CEP350: variants seen among roughly 807,000 people sequenced by gnomAD.
The protein encoded by CEP350 is centrosomal protein 350.
A neutral mutation model predicts 331.8 loss-of-function variants in CEP350; 126 were observed. That is an observed-to-expected ratio of 0.38 (90% confidence interval 0.33 to 0.44). CEP350 has a LOEUF of 0.44. Ranked by LOEUF, CEP350 falls within the 20% of genes least tolerant of loss-of-function variation. The pLI is 1.00. For missense variants in CEP350, 3,406 were observed against 3,634.6 expected (o/e 0.94, Z 1.62); for synonymous variants, 1,200 against 1,259.5 (o/e 0.95, Z 1.00).
rs1003311687 is a variant in CEP350, at chr1:180,019,857, G to C, written c.2175-92G>C. The C allele has an allele frequency of 2.7e-6, 3 of 1,116,006 alleles. No individual in the cohort carries two copies. In the African/African-American group the frequency reaches 4.7e-5, roughly 18 times the overall value. 69.1% of individuals were successfully genotyped at this position (1,116,006 alleles called of 1,614,324 possible). ...TTTTATCTGTCCTTTTTTTGTTGCA[G>C]TGCATCCTCATTACTCTTATAATCA... is the stretch of plus-strand genomic sequence containing the variant. On this transcript the variant is annotated intron_variant, in intron 11 of 37. Coordinates refer to ENST00000367607, the MANE Select transcript of CEP350 (RefSeq NM_014810.5).
chr1:180,047,116 A>G (rs1001882742), intron 21 of CEP350, among the ~76,000 whole-genome samples: 1 of 152,220 alleles, frequency 6.6e-6, no homozygotes, highest in Non-Finnish European at 1.5e-5. Context: ...GGAGTTTCTT[A>G]GAAATAACAC....
intron 6 of CEP350, chr1:180,000,580 T>G (rs2148733749): frequency 6.1e-6 from 1 of 163,106 alleles, no homozygotes; most frequent in South Asian, 1.7e-4. Flanking sequence ...ATCCAAGGAA[T>G]CAGAAATCAT....
intron 37 of CEP350, among the ~76,000 whole-genome samples, chr1:180,100,405 ACTTC>A (rs1660733217): frequency 2.0e-5 from 3 of 152,214 alleles, no homozygotes; most frequent in Non-Finnish European, 4.4e-5. Context: ...CCAAGTTGTT[ACTTC>A]CTTTACTTCT....
Position 180,041,733 on chromosome 1 carries a change from G to A in CEP350, c.4293G>A (p.Thr1431=), listed in dbSNP as rs750218144. The change falls in exon 19 of 38, where the codon ACG becomes ACA. Residue 1431 remains threonine (T), a synonymous_variant. Transcript: ENST00000367607. ...TAACTGAAGTCCTGCAGGAAGCAACGTGTAAAATAGCAGCTCAGCAGTCAG... is the reference window on the plus strand; with the variant it reads ...TAACTGAAGTCCTGCAGGAAGCAACATGTAAAATAGCAGCTCAGCAGTCAG... ...REVTEVLQEA[T]CKIAAQQSET... The A allele has an allele frequency of 9.9e-6, 16 of 1,613,110 alleles. No homozygotes were observed. The highest frequency in any genetic ancestry group is 1.6e-4 in the Middle Eastern group (1 of 6,082).
rs1166076699 is a variant in CEP350, at chr1:180,080,614, A to G, written c.6077A>G (p.Gln2026Arg). 2 of 1,613,966 alleles carry G rather than the reference A, an allele frequency of 1.2e-6. No homozygotes were observed. Among genetic ancestry groups the G allele is most frequent in the Admixed American group, 1.7e-5 (1 of 60,024 alleles). Residue 2026 changes from glutamine to arginine, a missense_variant, in exon 30 of 38, where the codon CAG becomes CGG. Coordinates refer to ENST00000367607, the MANE Select transcript of CEP350 (RefSeq NM_014810.5). ...TGTCACCTGCCTATCAAGTCCCATC[A>G]GCACTGTTATAGTTGGTCAGATGAG... ...GQCHLPIKSH[Q>R]HCYSWSDESL...
At chr1:180,095,293 A>G (rs2149140155) in intron 34 of CEP350, 2 of 411,424 alleles carry the variant, frequency 4.9e-6, no homozygotes, top group East Asian at 7.7e-5. Context: ...CCTAATCAAT[A>G]AACATTTTAT....
intron 24 of CEP350, 57 bp downstream of exon 24, chr1:180,053,991 A>G (rs1657662432): frequency 7.6e-7 from 1 of 1,316,282 alleles, no homozygotes; most frequent in South Asian, 2.0e-5. Flanking sequence ...GGAATGCTTT[A>G]TATTTTAAGA....
intron 27 of CEP350, among the ~76,000 whole-genome samples, chr1:180,066,489 A>G (rs565669411): frequency 7.2e-5 from 11 of 152,308 alleles, no homozygotes; most frequent in Admixed American, 2.0e-4. Context: ...TTGTTTTGCA[A>G]CAGTCAAGAG....
Position 180,017,706 on chromosome 1 carries a change from G to A in CEP350, c.2174+1736G>A, listed in dbSNP as rs569129047. Among the ~76,000 whole-genome samples the A allele has an allele frequency of 6.7e-4, 102 of 152,168 alleles. 1 individual carries two copies. Among genetic ancestry groups the A allele is most frequent in the African/African-American group, 2.4e-3 (99 of 41,514 alleles). On this transcript the variant is annotated intron_variant, in intron 11 of 37. Transcript: ENST00000367607. ...TCCCCCATTCCCGTTAATAGTTTTA[G>A]CATAACTTTATGTTTAAAAGCATGT...
At chr1:180,052,073 G>A (rs1336907215) in intron 22 of CEP350, among the ~76,000 whole-genome samples, 3 of 152,192 alleles carry the variant, frequency 2.0e-5, no homozygotes, top group Admixed American at 2.0e-4. Context: ...GTAATTGTAT[G>A]CGTAACTATG....
chr1:180,074,987 TTTC>T (rs1287929299), intron 27 of CEP350, 32 bp from the exon 28 acceptor site: 1 of 1,558,414 alleles, frequency 6.4e-7, no homozygotes, highest in Non-Finnish European at 8.7e-7. Context: ...ATATAGGTTT[TTTC>T]TCTCAAACTG....
chr1:180,104,430 T>C (rs77319875), intron 37 of CEP350, among the ~76,000 whole-genome samples: 5,389 of 152,224 alleles, frequency 0.035, 180 homozygotes, highest in African/African-American at 0.072. Flanking sequence ...TTAGGATCTC[T>C]AGTTTTAAAA....
intron 8 of CEP350, among the ~76,000 whole-genome samples, chr1:180,008,998 G>C (rs1362569524): frequency 2.6e-5 from 4 of 152,162 alleles, no homozygotes; most frequent in Non-Finnish European, 2.9e-5. Flanking sequence ...AGTTATCTGA[G>C]CATTAACAAT....
At chr1:180,059,898 T>C (rs1331644262) in intron 25 of CEP350, among the ~76,000 whole-genome samples, 3 of 152,112 alleles carry the variant, frequency 2.0e-5, no homozygotes, top group African/African-American at 7.2e-5. Flanking sequence ...CTGTTTGATA[T>C]TGCATAATGA....
At chr1:180,083,923 A>G in intron 30 of CEP350, 95 bp from the exon 31 acceptor site, 1 of 548,018 alleles carries the variant, frequency 1.8e-6, no homozygotes, top group Non-Finnish European at 3.1e-6. Context: ...CTTTATTTAA[A>G]TGGAATATTA....
chr1:180,024,369 G>A (rs749484086), intron 13 of CEP350, 50 bp from the exon 14 acceptor site: 74 of 1,492,034 alleles, frequency 5.0e-5, no homozygotes, highest in Non-Finnish European at 6.5e-5. Flanking sequence ...TAATTTAGCT[G>A]TGTTGTAAGA....
chr1:180,012,223 G>C (rs978769445), intron 9 of CEP350, 148 bp downstream of exon 9: 1 of 670,946 alleles, frequency 1.5e-6, no homozygotes, highest in Admixed American at 3.4e-5. Context: ...GTTCTATTGG[G>C]CTTGGTTATG....
intron 21 of CEP350, among the ~76,000 whole-genome samples, chr1:180,044,723 T>C (rs982370419): frequency 1.3e-5 from 2 of 150,202 alleles, no homozygotes; most frequent in African/African-American, 4.9e-5. Flanking sequence ...ATATACCTAA[T>C]GCTAAATGAC....
At chr1:180,104,072 AAT>A (rs1215585445) in intron 37 of CEP350, among the ~76,000 whole-genome samples, 1 of 147,914 alleles carries the variant, frequency 6.8e-6, no homozygotes, top group Non-Finnish European at 1.5e-5. Flanking sequence ...AATATACACA[AAT>A]ATATATATTT....
Sources: allele counts gnomAD v4.1 joint callset (sites outside exome capture counted in the v4.1 genomes callset), GRCh38; gene constraint gnomAD v4.1.1; transcripts MANE v1.5; gene names NCBI Gene and HGNC (gene_info 2026-07-23, HGNC 2026-07-21).